Variants in ABHD3 observed in about 807,000 individuals in gnomAD.
The protein encoded by ABHD3 is phospholipase ABHD3.
ABHD3 carries 46 observed loss-of-function variants against 48.8 expected under a neutral mutation model. The observed-to-expected ratio is 0.94, with a 90% CI of 0.74 to 1.20. The LOEUF is 1.20. Ranked by LOEUF, ABHD3 falls within the 50% of genes most tolerant of loss-of-function variation. ABHD3 has a pLI of 0.00. For synonymous variants in ABHD3, 192 were observed against 183.7 expected, an observed-to-expected ratio of 1.04 and a Z score of -0.36; for missense variants, 490 against 497.8, an observed-to-expected ratio of 0.98 and a Z score of 0.15.
At chr18:21,693,394 G>C (rs111676720) in intron 3 of ABHD3, among the ~76,000 whole-genome samples, 1 of 152,146 alleles carries the variant, frequency 6.6e-6, no homozygotes, top group Non-Finnish European at 1.5e-5. Flanking sequence ...GTTAGGATCT[G>C]AACCCAGGCA....
chr18:21,688,393 TAAC>T (rs977901247), intron 3 of ABHD3, among the ~76,000 whole-genome samples: 1 of 151,944 alleles, frequency 6.6e-6, no homozygotes, highest in African/African-American at 2.4e-5. Context: ...GTAATAATAA[TAAC>T]AACAGATACT....
intron 4 of ABHD3, among the ~76,000 whole-genome samples, chr18:21,680,852 A>ATGTGTATG (rs1555681005): frequency 0.019 from 2,051 of 108,468 alleles, 45 homozygotes; most frequent in African/African-American, 0.1. Context: ...TCTTTTTCAA[A>ATGTGTATG]TGTGTGTGTG....
chr18:21,684,403 C>T (rs992331221), intron 3 of ABHD3, among the ~76,000 whole-genome samples: 3 of 148,260 alleles, frequency 2.0e-5, no homozygotes, highest in Non-Finnish European at 3.0e-5. Flanking sequence ...CTGCAACCTC[C>T]GCCTCCCAGG....
intron 3 of ABHD3, among the ~76,000 whole-genome samples, chr18:21,697,425 G>A (rs2040396779): frequency 1.3e-5 from 2 of 151,880 alleles, no homozygotes; most frequent in Admixed American, 1.3e-4. Context: ...TGTTGCCCAG[G>A]CTGGAGTGCA....
Position 21,657,124 on chromosome 18 carries a change from C to A in ABHD3, c.871G>T (p.Asp291Tyr). 6.2e-7 allele frequency: 1 copy of A among 1,612,000 alleles called. No individual in the cohort carries two copies. Among genetic ancestry groups the A allele is most frequent in the Non-Finnish European group, 8.5e-7 (1 of 1,179,074 alleles). Reference sequence around the variant, plus strand: ...CCTACCTTCATGACATGATCCATATCAACTTGTTTTACAAACATATGTCGG... The same window carrying A: ...CCTACCTTCATGACATGATCCATATAAACTTGTTTTACAAACATATGTCGG... ...KHRHMFVKQVDMDHVMKAKSI... is the reference protein window; with the variant it reads ...KHRHMFVKQVYMDHVMKAKSI... Residue 291 changes from aspartate to tyrosine, a missense_variant, in exon 7 of 9, where the codon GAT becomes TAT. Coordinates refer to ENST00000289119, the MANE Select transcript of ABHD3 (RefSeq NM_138340.5).
chr18:21,651,827 G>A, intron 8 of ABHD3, 64 bp from the exon 9 acceptor site: 1 of 1,415,048 alleles, frequency 7.1e-7, no homozygotes, highest in Non-Finnish European at 9.5e-7. Context: ...TAATCATTAT[G>A]TTTTTGTCAG....
intron 4 of ABHD3, 131 bp from the exon 5 acceptor site, chr18:21,664,361 T>C (rs1288155302): frequency 2.0e-5 from 16 of 790,904 alleles, no homozygotes; most frequent in African/African-American, 5.3e-5. Context: ...TACTGTAGTA[T>C]TAATAATTTA....
Position 21,657,120 on chromosome 18 carries a change from A to G in ABHD3, c.875T>C (p.Met292Thr), listed in dbSNP as rs2146280405. The G allele has an allele frequency of 3.1e-6, 5 of 1,612,270 alleles. No homozygotes were observed. Among genetic ancestry groups the G allele is most frequent in the East Asian group, 4.5e-5 (2 of 44,846 alleles). ...HRHMFVKQVD[M>T]DHVMKAKSIR... Reference sequence around the variant, plus strand: ...CTCTCCTACCTTCATGACATGATCCATATCAACTTGTTTTACAAACATATG... The same window carrying G: ...CTCTCCTACCTTCATGACATGATCCGTATCAACTTGTTTTACAAACATATG... The change falls in exon 7 of 9, where the codon ATG (methionine) becomes ACG (threonine). Residue 292 changes from methionine (M) to threonine (T), a missense_variant. Met to Thr is a moderately conservative substitution (Grantham distance 81). Transcript: ENST00000289119.
chr18:21,669,576 A>G (rs2039710857), intron 4 of ABHD3, among the ~76,000 whole-genome samples: 1 of 152,142 alleles, frequency 6.6e-6, no homozygotes. Flanking sequence ...CCTCAGCTCC[A>G]GATTCAAATT....
At chr18:21,653,230 T>C (rs2039268911) in intron 8 of ABHD3, among the ~76,000 whole-genome samples, 2 of 143,856 alleles carry the variant, frequency 1.4e-5, no homozygotes, top group Admixed American at 1.4e-4. Flanking sequence ...GGCATGGTGG[T>C]GCACGCCTGT....
intron 3 of ABHD3, among the ~76,000 whole-genome samples, chr18:21,691,585 T>A (rs2040252985): frequency 6.6e-6 from 1 of 152,248 alleles, no homozygotes. Context: ...TTATTCACTA[T>A]TACATGCCTA....
chr18:21,699,460 C>T (rs149653835), intron 3 of ABHD3, among the ~76,000 whole-genome samples: 27 of 152,296 alleles, frequency 1.8e-4, no homozygotes, highest in African/African-American at 6.0e-4. Flanking sequence ...CTCAGCCTTG[C>T]GCCAAACTTC....
intron 4 of ABHD3, among the ~76,000 whole-genome samples, chr18:21,675,338 G>A (rs1335799132): frequency 1.4e-5 from 2 of 146,318 alleles, no homozygotes; most frequent in Non-Finnish European, 3.0e-5. Flanking sequence ...GCATGATCTC[G>A]GCTCACTGCA....
intron 1 of ABHD3, 89 bp downstream of exon 1, chr18:21,704,415 G>T: frequency 8.2e-7 from 1 of 1,219,542 alleles, no homozygotes; most frequent in Non-Finnish European, 1.0e-6. Context: ...CGGGGCTGCC[G>T]ACCGCCCCTG....
intron 3 of ABHD3, among the ~76,000 whole-genome samples, chr18:21,686,344 C>T (rs2040128723): frequency 6.6e-6 from 1 of 152,180 alleles, no homozygotes; most frequent in African/African-American, 2.4e-5. Flanking sequence ...AAACTTGAAG[C>T]TCCCAGTCAT....
At chr18:21,691,293 T>C (rs2146327974) in intron 3 of ABHD3, among the ~76,000 whole-genome samples, 1 of 152,268 alleles carries the variant, frequency 6.6e-6, no homozygotes, top group South Asian at 2.1e-4. Flanking sequence ...ATTAATAGAA[T>C]TAAATGGAGA....
chr18:21,657,924 CG>C (rs1223466303), intron 6 of ABHD3, among the ~76,000 whole-genome samples: 1 of 151,904 alleles, frequency 6.6e-6, no homozygotes, highest in South Asian at 2.1e-4. Flanking sequence ...CTCTGCTGGG[CG>C]GGGGGCTCAC....
chr18:21,663,533 G>A, intron 5 of ABHD3: 2 of 770,556 alleles, frequency 2.6e-6, no homozygotes, highest in Non-Finnish European at 3.9e-6. Flanking sequence ...AAGCCCCAAA[G>A]TAATTGCAAG....
intron 3 of ABHD3, among the ~76,000 whole-genome samples, chr18:21,686,096 G>A (rs1030632965): frequency 5.9e-5 from 9 of 152,182 alleles, no homozygotes; most frequent in Non-Finnish European, 1.0e-4. Context: ...CTCCTGCCTT[G>A]GCCTCCCAAA....
Sources: allele counts gnomAD v4.1 joint callset (sites outside exome capture counted in the v4.1 genomes callset), GRCh38; gene constraint gnomAD v4.1.1; transcripts MANE v1.5; gene names NCBI Gene and HGNC (gene_info 2026-07-23, HGNC 2026-07-21).